The following XNDC1N variants were observed in gnomAD, a reference collection of about 807,000 sequenced individuals.
XNDC1N encodes the protein protein XNDC1N.
the XNDC1N span, among the ~76,000 whole-genome samples, chr11:71,868,885 G>T: frequency 6.6e-6 from 1 of 152,034 alleles, no homozygotes; most frequent in African/African-American, 2.4e-5. Context: ...CAAGTTGTTT[G>T]CTTTCTCTCC....
chr11:71,907,289 C>A, the XNDC1N span, among the ~76,000 whole-genome samples: 2 of 151,966 alleles, frequency 1.3e-5, no homozygotes, highest in Non-Finnish European at 2.9e-5. Flanking sequence ...ATACGAGAAA[C>A]GGAGTAATAT....
the XNDC1N span, among the ~76,000 whole-genome samples, chr11:71,906,328 G>A: frequency 1.2e-4 from 18 of 152,094 alleles, no homozygotes; most frequent in Admixed American, 5.9e-4. Context: ...GTGACATTAG[G>A]AGTAGCATCC....
chr11:71,866,894 C>T, the XNDC1N span, among the ~76,000 whole-genome samples: 14 of 152,104 alleles, frequency 9.2e-5, no homozygotes, highest in African/African-American at 3.4e-4. Flanking sequence ...ATGATCGAGA[C>T]AATAGAGTTT....
At chr11:71,926,974 G>C in the XNDC1N span, among the ~76,000 whole-genome samples, 1 of 152,074 alleles carries the variant, frequency 6.6e-6, no homozygotes, top group Non-Finnish European at 1.5e-5. Flanking sequence ...AAAAGGCTGG[G>C]TACAGTGGCT....
At chr11:71,919,927 CTCTTTTT>C in the XNDC1N span, among the ~76,000 whole-genome samples, 1 of 67,260 alleles carries the variant, frequency 1.5e-5, no homozygotes, top group African/African-American at 5.1e-5. Context: ...AAAAGCAGGC[CTCTTTTT>C]TTTTTTTTTT....
At chr11:71,874,151 C>T in the XNDC1N span, among the ~76,000 whole-genome samples, 3 of 151,974 alleles carry the variant, frequency 2.0e-5, no homozygotes, top group African/African-American at 7.3e-5. Flanking sequence ...TCCATCTCCA[C>T]AAAAAAGAAA....
At chr11:71,909,001 T>A in the XNDC1N span, among the ~76,000 whole-genome samples, 14 of 152,148 alleles carry the variant, frequency 9.2e-5, no homozygotes, top group South Asian at 2.1e-4. Context: ...CTCTCTGAGG[T>A]CATTCAGGGT....
chr11:71,916,977 A>G, the XNDC1N span: 1 of 165,934 alleles, frequency 6.0e-6, no homozygotes, highest in Non-Finnish European at 1.3e-5. Context: ...TCTATCCTAC[A>G]TCCACACTTA....
the XNDC1N span, among the ~76,000 whole-genome samples, chr11:71,913,487 C>T: frequency 6.6e-6 from 1 of 151,786 alleles, no homozygotes; most frequent in South Asian, 2.1e-4. Context: ...GTTAAAACCC[C>T]ATCTCTACTA....
chr11:71,893,640 C>T, the XNDC1N span: 1 of 1,138,994 alleles, frequency 8.8e-7, no homozygotes, highest in South Asian at 1.2e-5. Flanking sequence ...CCCTCCACAC[C>T]CCCACGTACT....
chr11:71,893,632 C>G, the XNDC1N span: 1 of 1,122,880 alleles, frequency 8.9e-7, no homozygotes, highest in East Asian at 2.6e-5. Context: ...TGACTCCCCC[C>G]TCCACACCCC....
At chr11:71,908,125 A>G in the XNDC1N span, among the ~76,000 whole-genome samples, 5 of 152,178 alleles carry the variant, frequency 3.3e-5, no homozygotes, top group South Asian at 1.0e-3. Context: ...CCACTGAGGT[A>G]TTAGGGCGTA....
At chr11:71,868,557 T>C in the XNDC1N span, among the ~76,000 whole-genome samples, 1 of 152,200 alleles carries the variant, frequency 6.6e-6, no homozygotes, top group Non-Finnish European at 1.5e-5. Flanking sequence ...TAGATGGATA[T>C]AAAATTCTTG....
the XNDC1N span, among the ~76,000 whole-genome samples, chr11:71,915,214 C>T: frequency 3.3e-5 from 5 of 152,058 alleles, no homozygotes; most frequent in Admixed American, 1.3e-4. Flanking sequence ...TTTGGGAGGC[C>T]GAGACGGGAG....
chr11:71,912,279 A>G, the XNDC1N span, among the ~76,000 whole-genome samples: 1 of 152,040 alleles, frequency 6.6e-6, no homozygotes, highest in Admixed American at 6.6e-5. Flanking sequence ...GGAGGTAAAA[A>G]GTATGTACTA....
chr11:71,920,789 A>T, the XNDC1N span, among the ~76,000 whole-genome samples: 4 of 152,050 alleles, frequency 2.6e-5, no homozygotes, highest in African/African-American at 9.7e-5. Context: ...TTTTTGGTTG[A>T]GCGATCTTGG....
At chr11:71,916,497 C>G in the XNDC1N span, 1 of 476,990 alleles carries the variant, frequency 2.1e-6, no homozygotes, top group Non-Finnish European at 3.8e-6. Flanking sequence ...CACAGTTCCA[C>G]ACTATTCTCA....
chr11:71,926,908 G>GAAATA, the XNDC1N span, among the ~76,000 whole-genome samples: 19,053 of 149,112 alleles, frequency 0.13, 1,350 homozygotes, highest in Middle Eastern at 0.19. Context: ...CTCAAAAAAT[G>GAAATA]AAATAAAATA....
the XNDC1N span, chr11:71,928,128 T>G: frequency 1.3e-5 from 4 of 298,548 alleles, no homozygotes; most frequent in South Asian, 1.9e-4. Flanking sequence ...GGCCGCAGGA[T>G]GTGGGTTAGA....
Sources: gnomAD v4.1 joint callset for allele counts (sites outside exome capture counted in the v4.1 genomes callset) on GRCh38, gnomAD v4.1.1 for gene constraint, MANE v1.5 for transcripts, NCBI Gene and HGNC (gene_info 2026-07-23, HGNC 2026-07-21) for gene names.